ACSM1: variants seen among roughly 807,000 people sequenced by gnomAD.
ACSM1 encodes the protein acyl-CoA synthetase medium chain family member 1, also known as acyl-coenzyme A synthetase ACSM1, mitochondrial.
Under a neutral mutation model 75.8 loss-of-function variants are expected in ACSM1, and 79 were observed. That is an observed-to-expected ratio of 1.04 (90% CI 0.87 to 1.26). The LOEUF (loss-of-function observed/expected upper bound fraction) is 1.26, where lower values mean the gene tolerates loss of function less well. ACSM1 is among the 50% of genes most tolerant of loss of function. The pLI, the probability that ACSM1 is intolerant of heterozygous loss-of-function variation, is 0.00. For synonymous variants in ACSM1, 279 were observed against 265.8 expected (o/e 1.05, Z -0.48); for missense variants, 676 against 720.1 (o/e 0.94, Z 0.70).
At chr16:20,684,510 C>G (rs546989971) in intron 3 of ACSM1, among the ~76,000 whole-genome samples, 6 of 152,330 alleles carry the variant, frequency 3.9e-5, no homozygotes, top group South Asian at 4.1e-4. Context: ...TTGCAATTCT[C>G]CTGCCTAACG....
At chr16:20,691,488 C>T (rs2079651561) in intron 1 of ACSM1, among the ~76,000 whole-genome samples, 1 of 152,092 alleles carries the variant, frequency 6.6e-6, no homozygotes. Context: ...TCTCCTTCAA[C>T]CTGCTAAGAT....
chr16:20,661,306 T>C (rs163273), intron 7 of ACSM1, among the ~76,000 whole-genome samples: 27,025 of 152,170 alleles, frequency 0.18, 3,315 homozygotes, highest in African/African-American at 0.35. Context: ...GCATTACCTG[T>C]TTAAAATTCG....
At chr16:20,638,826 T>C (rs16970475) in intron 8 of ACSM1, among the ~76,000 whole-genome samples, 5,421 of 152,262 alleles carry the variant, frequency 0.036, 322 homozygotes, top group African/African-American at 0.12. Context: ...AGTGAACAGA[T>C]GTGAAAGTGT....
At position 20,659,869 on chromosome 16, in the gene ACSM1, C is replaced by A. The variant is rs188048323; in HGVS notation, c.992+1925G>T. Reference sequence around the variant, plus strand: ...CTGAACATTTCCTTTGATCCCAGGTCTTCAGATAAACTAATCATCAATGAC... The same window carrying A: ...CTGAACATTTCCTTTGATCCCAGGTATTCAGATAAACTAATCATCAATGAC... On this transcript the variant is annotated intron_variant, in intron 7 of 13. Transcript: ENST00000520010. 3.1e-3 allele frequency among the ~76,000 whole-genome samples: 472 copies of A among 152,324 alleles called. 2 individuals carry two copies. The highest frequency in any genetic ancestry group is 5.3e-3 in the Non-Finnish European group (361 of 68,032).
In ACSM1 at chr16:20,694,727, T is replaced by G. The variant is rs550067559; in HGVS notation, c.-52+2909A>C. On this transcript the variant is annotated intron_variant, in intron 1 of 13. Coordinates refer to ENST00000520010, the MANE Select transcript of ACSM1 (RefSeq NM_001318890.3). ...GTTTGAACTGTGTCCCCCATGAATG[T>G]ATGTGGTGAAGTACGAACCCCAATA... is the stretch of plus-strand genomic sequence containing the variant. 1.3e-4 allele frequency among the ~76,000 whole-genome samples: 20 copies of G among 152,316 alleles called. No homozygotes were observed. In the East Asian group the frequency reaches 3.1e-3, roughly 23 times the overall value.
chr16:20,635,584 CTTTCTTTCTTTCTTTCTTTCTT>C (rs2017626906), intron 10 of ACSM1, among the ~76,000 whole-genome samples: 3 of 6,376 alleles, frequency 4.7e-4, no homozygotes, highest in Non-Finnish European at 7.1e-4. Flanking sequence ...TTTTCTTTTT[CTTTCTTTCTTTCTTTCTTTCTT>C]TCTTTCTTTC....
At chr16:20,692,753 C>A (rs945139006) in intron 1 of ACSM1, among the ~76,000 whole-genome samples, 1 of 152,016 alleles carries the variant, frequency 6.6e-6, no homozygotes, top group East Asian at 1.9e-4. Flanking sequence ...TCTTGTTATG[C>A]CAGAGTCTGA....
At chr16:20,657,907 C>T (rs559720583) in intron 7 of ACSM1, among the ~76,000 whole-genome samples, 11 of 152,080 alleles carry the variant, frequency 7.2e-5, no homozygotes, top group Admixed American at 1.3e-4. Context: ...GGTTTCCAGC[C>T]TCATCTATGT....
intron 6 of ACSM1, among the ~76,000 whole-genome samples, chr16:20,669,614 C>T (rs543148142): frequency 6.6e-6 from 1 of 152,048 alleles, no homozygotes; most frequent in Non-Finnish European, 1.5e-5. Flanking sequence ...TCTGAAGGAT[C>T]GCCCAGTAAT....
chr16:20,694,963 G>A (rs973800459), intron 1 of ACSM1, among the ~76,000 whole-genome samples: 7 of 152,154 alleles, frequency 4.6e-5, no homozygotes, highest in Non-Finnish European at 7.3e-5. Context: ...TGGACCTCCA[G>A]CCTTCAGAAC....
chr16:20,651,080 G>A (rs1286432407), intron 7 of ACSM1, among the ~76,000 whole-genome samples: 1 of 152,086 alleles, frequency 6.6e-6, no homozygotes, highest in Admixed American at 6.6e-5. Flanking sequence ...TGTTCAATTG[G>A]CAGTTGAATT....
intron 5 of ACSM1, 118 bp from the exon 6 acceptor site, chr16:20,670,104 G>A (rs1035775337): frequency 1.1e-5 from 11 of 1,000,630 alleles, no homozygotes; most frequent in Admixed American, 4.6e-5. Flanking sequence ...TGTGATTTGT[G>A]TGGGGCTCCA....
Position 20,623,394 on chromosome 16 carries a change from C to A in ACSM1, c.*92G>T. 2 of 1,107,684 alleles carry A rather than the reference C, an allele frequency of 1.8e-6. No homozygotes were observed. Among genetic ancestry groups the A allele is most frequent in the Middle Eastern group, 2.0e-4 (1 of 4,922 alleles). The allele number at this position is 1,107,684 out of a possible 1,614,324, so 68.6% of individuals were successfully genotyped here. A position where few individuals can be genotyped will look rare whatever the true frequency, so the allele number is the denominator to read the frequency against. On this transcript the variant is annotated 3_prime_UTR_variant, in exon 14 of 14. Coordinates refer to ENST00000520010, the MANE Select transcript of ACSM1 (RefSeq NM_001318890.3). Reference sequence around the variant, plus strand: ...TGATACTTTCCCAAATCAACACTCTCAATGCCCCACCCTCGTCCTCACCAT... The same window carrying A: ...TGATACTTTCCCAAATCAACACTCTAAATGCCCCACCCTCGTCCTCACCAT...
At chr16:20,679,963 C>G (rs2079404742) in intron 4 of ACSM1, 1 of 151,918 alleles carries the variant, frequency 6.6e-6, no homozygotes, top group African/African-American at 2.4e-5. Flanking sequence ...GTTCACAATC[C>G]TAAAAAAAAA....
rs1390018299 is a variant in ACSM1 at position 20,642,778 on chromosome 16, T to C, written c.993-2194A>G. On this transcript the variant is annotated intron_variant, in intron 7 of 13. Coordinates refer to ENST00000520010, the MANE Select transcript of ACSM1 (RefSeq NM_001318890.3). The stretch of plus-strand genomic sequence containing the variant: ...TAAAGGGAGGCACATATTCCTATAG[T>C]GGCAAATGGGGGCAACAAGTAAAAA... Among the ~76,000 whole-genome samples the C allele has an allele frequency of 2.6e-5, 4 of 152,336 alleles. No individual in the cohort carries two copies. In the East Asian group the frequency reaches 7.7e-4, roughly 29 times the overall value.
rs1567311080 is a variant in ACSM1 at position 20,685,842 on chromosome 16, AAAAAC to A, written c.193-444_193-440del. ...CTCAAAAAAAAAAAACAAACAAAAA[AAAAAC>A]AAAAAACTTATAGCATCAGGAGAGG... On this transcript the variant is annotated intron_variant, in intron 2 of 13. Coordinates refer to ENST00000520010, the MANE Select transcript of ACSM1 (RefSeq NM_001318890.3). Among the ~76,000 whole-genome samples the A allele has an allele frequency of 2.8e-4, 35 of 123,618 alleles. 8 individuals are homozygous for A. Among genetic ancestry groups the A allele is most frequent in the South Asian group, 8.4e-4 (3 of 3,564 alleles). The allele number at this position is 123,618 out of a possible 152,430, so 81.1% of individuals were successfully genotyped here.
At chr16:20,689,020 AT>A (rs2079605273) in intron 2 of ACSM1, among the ~76,000 whole-genome samples, 1 of 148,958 alleles carries the variant, frequency 6.7e-6, no homozygotes, top group African/African-American at 2.4e-5. Flanking sequence ...ATATGTTAAC[AT>A]ATATTTACAA....
intron 12 of ACSM1, among the ~76,000 whole-genome samples, chr16:20,624,881 C>G (rs1264614192): frequency 6.6e-6 from 1 of 151,700 alleles, no homozygotes; most frequent in Non-Finnish European, 1.5e-5. Context: ...CCACACCTGG[C>G]TAATTTTTTT....
chr16:20,662,083 C>A (rs772056578), intron 6 of ACSM1, among the ~76,000 whole-genome samples: 2 of 152,156 alleles, frequency 1.3e-5, no homozygotes, highest in Non-Finnish European at 2.9e-5. Flanking sequence ...AACGTTCCAA[C>A]TCCTATGGTG....
Sources: allele counts gnomAD v4.1 joint callset (sites outside exome capture counted in the v4.1 genomes callset), GRCh38; gene constraint gnomAD v4.1.1; transcripts MANE v1.5; gene names NCBI Gene and HGNC (gene_info 2026-07-23, HGNC 2026-07-21).